CACNA2D3: variants seen among roughly 807,000 people sequenced by gnomAD.
CACNA2D3 encodes the protein voltage-dependent calcium channel subunit alpha-2/delta-3.
In CACNA2D3, 60 loss-of-function variants were observed where a neutral mutation model predicts 160.6. The ratio of observed to expected loss-of-function variants is 0.37; its 90% CI spans 0.30 to 0.46. The LOEUF (loss-of-function observed/expected upper bound fraction) is 0.46, where lower values mean the gene tolerates loss of function less well. Ranked by LOEUF, CACNA2D3 falls within the 20% of genes least tolerant of loss-of-function variation. The pLI, the probability that CACNA2D3 is intolerant of heterozygous loss-of-function variation, is 1.00. For synonymous variants in CACNA2D3, 558 were observed against 492.9 expected, an observed-to-expected ratio of 1.13 and a Z score of -1.75; for missense variants, 1,205 against 1,365.0, an observed-to-expected ratio of 0.88 and a Z score of 1.85.
intron 5 of CACNA2D3, among the ~76,000 whole-genome samples, chr3:54,554,868 C>CTTTTTTTTTTTTTTTTTTTTTTTTTTTT (rs1248489904): frequency 1.1e-5 from 1 of 88,172 alleles, no homozygotes; most frequent in African/African-American, 5.0e-5. Context: ...CTCTCTCACT[C>CTTTTTTTTTTTTTTTTTTTTTTTTTTTT]TCTTTTTTTT....
At chr3:54,935,938 T>C (rs1208886380) in intron 27 of CACNA2D3, among the ~76,000 whole-genome samples, 1 of 152,170 alleles carries the variant, frequency 6.6e-6, no homozygotes, top group Non-Finnish European at 1.5e-5. Context: ...GGAATCCCCT[T>C]TGTGAGTCCA....
chr3:54,448,028 A>G (rs907396574), intron 4 of CACNA2D3, among the ~76,000 whole-genome samples: 5 of 152,200 alleles, frequency 3.3e-5, no homozygotes, highest in South Asian at 2.1e-4. Context: ...TTTCAAGGAG[A>G]CATCTGGCTT....
chr3:54,962,648 T>C (rs1389873496), intron 27 of CACNA2D3, among the ~76,000 whole-genome samples: 2 of 152,160 alleles, frequency 1.3e-5, no homozygotes, highest in African/African-American at 4.8e-5. Flanking sequence ...ACAGCAGTGG[T>C]CTTAAAACGG....
At chr3:54,598,352 A>G (rs1057387179) in intron 9 of CACNA2D3, among the ~76,000 whole-genome samples, 2 of 151,482 alleles carry the variant, frequency 1.3e-5, no homozygotes, top group African/African-American at 4.8e-5. Flanking sequence ...AAAAAAAAGA[A>G]AAAAGAAAAA....
chr3:54,832,015 A>T (rs1201492817), intron 14 of CACNA2D3, among the ~76,000 whole-genome samples: 7 of 118,742 alleles, frequency 5.9e-5, no homozygotes, highest in South Asian at 3.0e-4. Context: ...TCTCTGTCAC[A>T]CACACACACA....
intron 5 of CACNA2D3, among the ~76,000 whole-genome samples, chr3:54,533,738 G>C (rs1174193545): frequency 2.0e-5 from 3 of 151,948 alleles, no homozygotes; most frequent in Non-Finnish European, 4.4e-5. Context: ...AAGGTCTTTA[G>C]GGAAGAAGGG....
chr3:54,830,906 A>G (rs375968942), intron 14 of CACNA2D3, among the ~76,000 whole-genome samples: 1 of 152,286 alleles, frequency 6.6e-6, no homozygotes, highest in African/African-American at 2.4e-5. Flanking sequence ...TGCAGGTTGA[A>G]GTTCCTCGCA....
intron 23 of CACNA2D3, among the ~76,000 whole-genome samples, chr3:54,886,191 A>G (rs1415968317): frequency 1.5e-5 from 1 of 65,964 alleles, no homozygotes; most frequent in Non-Finnish European, 2.8e-5. Context: ...AGAGCCACTA[A>G]AACTGATCAT....
intron 2 of CACNA2D3, among the ~76,000 whole-genome samples, chr3:54,272,009 GT>G (rs1379545355): frequency 1.3e-5 from 2 of 151,914 alleles, no homozygotes; most frequent in South Asian, 2.1e-4. Flanking sequence ...TTTTCATCTT[GT>G]TTCAGTATAA....
At chr3:54,129,052 T>A (rs1330480262) in intron 2 of CACNA2D3, among the ~76,000 whole-genome samples, 1 of 152,120 alleles carries the variant, frequency 6.6e-6, no homozygotes, top group Non-Finnish European at 1.5e-5. Context: ...TTGCTTCTCC[T>A]TTACAGGAAG....
intron 2 of CACNA2D3, among the ~76,000 whole-genome samples, chr3:54,263,287 C>G (rs943553230): frequency 6.6e-6 from 1 of 152,012 alleles, no homozygotes; most frequent in Non-Finnish European, 1.5e-5. Flanking sequence ...TGTGTAGAGA[C>G]TTGGAATAGT....
At chr3:54,631,645 T>G (rs1432140744) in intron 10 of CACNA2D3, among the ~76,000 whole-genome samples, 2 of 152,242 alleles carry the variant, frequency 1.3e-5, no homozygotes, top group African/African-American at 2.4e-5. Flanking sequence ...TACAGTTACC[T>G]GCATTTCAGT....
At chr3:54,956,834 T>C (rs1158248802) in intron 27 of CACNA2D3, among the ~76,000 whole-genome samples, 2 of 152,120 alleles carry the variant, frequency 1.3e-5, no homozygotes, top group African/African-American at 4.8e-5. Context: ...TACCTCCAGT[T>C]TGCATTTTAT....
chr3:54,815,419 T>G (rs1040386630), intron 13 of CACNA2D3, among the ~76,000 whole-genome samples: 2 of 152,222 alleles, frequency 1.3e-5, no homozygotes, highest in Admixed American at 6.5e-5. Flanking sequence ...AGGGCAAGTT[T>G]AAGAGAGCCC....
At chr3:54,950,700 G>A (rs1398659249) in intron 27 of CACNA2D3, among the ~76,000 whole-genome samples, 1 of 152,140 alleles carries the variant, frequency 6.6e-6, no homozygotes, top group Non-Finnish European at 1.5e-5. Context: ...AAAGGAACCC[G>A]TTCTTTTACT....
intron 3 of CACNA2D3, among the ~76,000 whole-genome samples, chr3:54,333,792 C>T (rs1345297508): frequency 1.3e-5 from 2 of 152,246 alleles, no homozygotes; most frequent in Non-Finnish European, 2.9e-5. Flanking sequence ...TCTCCCCCAA[C>T]ATTTGGACAA....
chr3:55,074,131 T>C lies in CACNA2D3; in HGVS notation c.3201T>C (p.Cys1067=), dbSNP rs753489222. Reference sequence around the variant, plus strand: ...CCCCATAGGAGAATGCAAGGGAGTGTGGGGGTGCGCCGAGTCTCCAAGCCC... The same window carrying C: ...CCCCATAGGAGAATGCAAGGGAGTGCGGGGGTGCGCCGAGTCTCCAAGCCC... The part of the protein sequence containing the change: ...GFHPEENARE[C]GGAPSLQAQT... The change falls in exon 38 of 38, where the codon TGT becomes TGC. Residue 1067 remains cysteine (C), a synonymous_variant. Transcript: ENST00000474759. 2.5e-6 allele frequency: 4 copies of C among 1,613,698 alleles called. No homozygotes were observed. The highest frequency in any genetic ancestry group is 3.4e-6 in the Non-Finnish European group (4 of 1,179,696).
At chr3:54,937,902 C>T (rs1371897972) in intron 27 of CACNA2D3, among the ~76,000 whole-genome samples, 5 of 152,118 alleles carry the variant, frequency 3.3e-5, no homozygotes, top group Non-Finnish European at 7.4e-5. Flanking sequence ...TTGCTGTCCC[C>T]GACCTCATCT....
At chr3:55,022,546 C>T (rs546167575) in intron 35 of CACNA2D3, among the ~76,000 whole-genome samples, 4 of 141,290 alleles carry the variant, frequency 2.8e-5, no homozygotes, top group African/African-American at 8.5e-5. Flanking sequence ...TTCTTTCTTT[C>T]TTTCCTTCCT....
Sources: gnomAD v4.1 joint callset for allele counts (sites outside exome capture counted in the v4.1 genomes callset) on GRCh38, gnomAD v4.1.1 for gene constraint, MANE v1.5 for transcripts, NCBI Gene and HGNC (gene_info 2026-07-23, HGNC 2026-07-21) for gene names.